The following CRISPLD2 variants were observed in gnomAD, a reference collection of about 807,000 sequenced individuals.
CRISPLD2 encodes the protein cysteine rich secretory protein LCCL domain containing 2, also known as cysteine-rich secretory protein LCCL domain-containing 2.
A neutral mutation model predicts 71.1 loss-of-function variants in CRISPLD2; 47 were observed. The observed-to-expected ratio is 0.66, with a 90% CI of 0.52 to 0.84. The LOEUF (loss-of-function observed/expected upper bound fraction) is 0.84, where lower values mean the gene tolerates loss of function less well. Ranked by LOEUF, CRISPLD2 falls within the 40% of genes least tolerant of loss-of-function variation. The pLI is 0.00. For synonymous variants in CRISPLD2, 317 were observed against 250.1 expected, an observed-to-expected ratio of 1.27 and a Z score of -2.52; for missense variants, 830 against 651.1, an observed-to-expected ratio of 1.27 and a Z score of -2.99.
chr16:84,882,347 CAAAAAAAAAA>C (rs80146835), intron 13 of CRISPLD2, among the ~76,000 whole-genome samples: 1 of 77,492 alleles, frequency 1.3e-5, no homozygotes, highest in African/African-American at 4.5e-5. Context: ...ACCAATAAAG[CAAAAAAAAAA>C]AAAAAAAAAA....
At chr16:84,843,154 G>T (rs142065514) in intron 2 of CRISPLD2, among the ~76,000 whole-genome samples, 2 of 152,280 alleles carry the variant, frequency 1.3e-5, no homozygotes, top group African/African-American at 2.4e-5. Flanking sequence ...GGTCTAAAAG[G>T]CCGGCCTGCT....
intron 1 of CRISPLD2, chr16:84,836,191 C>G (rs1373622847): frequency 1.3e-5 from 2 of 152,178 alleles, no homozygotes; most frequent in African/African-American, 4.8e-5. Context: ...GGTCTTATCC[C>G]CAAGATATCT....
chr16:84,905,020 C>T (rs574558529), intron 14 of CRISPLD2, among the ~76,000 whole-genome samples: 11 of 152,290 alleles, frequency 7.2e-5, no homozygotes, highest in African/African-American at 2.4e-4. Flanking sequence ...GTGGCTCACA[C>T]CCATAATCCC....
intron 13 of CRISPLD2, among the ~76,000 whole-genome samples, chr16:84,886,768 T>C (rs1214648990): frequency 6.6e-6 from 1 of 152,188 alleles, no homozygotes; most frequent in African/African-American, 2.4e-5. Context: ...TGAGCCCAGA[T>C]GGTATCACCG....
intron 3 of CRISPLD2, among the ~76,000 whole-genome samples, chr16:84,846,882 C>T (rs747188146): frequency 3.3e-5 from 5 of 152,230 alleles, no homozygotes; most frequent in African/African-American, 7.2e-5. Context: ...GGGCCTTCCC[C>T]AGAGTAAGCT....
chr16:84,884,994 T>C (rs1462870374), intron 13 of CRISPLD2, among the ~76,000 whole-genome samples: 1 of 152,214 alleles, frequency 6.6e-6, no homozygotes, highest in Non-Finnish European at 1.5e-5. Context: ...ACTGCAGCAG[T>C]TGGCAGTGCG....
At chr16:84,825,149 A>C (rs1464641340) in intron 1 of CRISPLD2, among the ~76,000 whole-genome samples, 4 of 152,042 alleles carry the variant, frequency 2.6e-5, no homozygotes, top group African/African-American at 9.7e-5. Context: ...ACACAGTAGG[A>C]AGGTGGGCAA....
At chr16:84,859,671 A>G (rs1917331406) in intron 6 of CRISPLD2, among the ~76,000 whole-genome samples, 1 of 152,128 alleles carries the variant, frequency 6.6e-6, no homozygotes, top group South Asian at 2.1e-4. Context: ...TGCTTATGTA[A>G]ATTAAGTGGG....
intron 14 of CRISPLD2, among the ~76,000 whole-genome samples, chr16:84,901,043 ACGC>A (rs778462909): frequency 1.3e-4 from 18 of 134,426 alleles, no homozygotes; most frequent in African/African-American, 3.6e-4. Context: ...ACACACACAC[ACGC>A]AAAAAAAAAA....
intron 4 of CRISPLD2, 28 bp downstream of exon 4, chr16:84,849,545 G>C: frequency 6.2e-7 from 1 of 1,608,144 alleles, no homozygotes. Flanking sequence ...CACGACCTCA[G>C]CCCTGCCCCC....
At position 84,880,552 on chromosome 16, in the gene CRISPLD2, G is replaced by A; in HGVS notation, c.1273G>A (p.Ala425Thr). The A allele has an allele frequency of 6.2e-7, 1 of 1,613,830 alleles. No homozygotes were observed. Among genetic ancestry groups the A allele is most frequent in the Non-Finnish European group, 8.5e-7 (1 of 1,179,866 alleles). The change falls in exon 13 of 15, where the codon GCT (alanine) becomes ACT (threonine). Residue 425 changes from alanine to threonine, a missense_variant. Physicochemically the swap from Ala to Thr is moderately conservative, Grantham distance 58. Coordinates refer to ENST00000262424, the MANE Select transcript of CRISPLD2 (RefSeq NM_031476.4). ...CTGCAAAGACGAACCTTCCTACTGG[G>A]CTCCGGTGTTTGGAACCAACATCTA... ...AHCKDEPSYW[A>T]PVFGTNIYAD...
At chr16:84,837,617 T>C (rs573408737) in intron 1 of CRISPLD2, among the ~76,000 whole-genome samples, 33 of 151,822 alleles carry the variant, frequency 2.2e-4, no homozygotes, top group East Asian at 1.2e-3. Flanking sequence ...CAGGGTTTCA[T>C]CGTGTTAGCC....
intron 5 of CRISPLD2, among the ~76,000 whole-genome samples, chr16:84,851,151 T>C (rs1190934943): frequency 6.6e-6 from 1 of 152,226 alleles, no homozygotes; most frequent in Non-Finnish European, 1.5e-5. Context: ...TGGTCTGCCC[T>C]GGCAGTATGA....
chr16:84,905,662 A>C (rs1293309096), intron 14 of CRISPLD2, among the ~76,000 whole-genome samples: 1 of 50,188 alleles, frequency 2.0e-5, no homozygotes, highest in Non-Finnish European at 3.4e-5. Context: ...AAGTGCTGGG[A>C]TTCCAGGTGT....
At chr16:84,868,021 C>G (rs1368256697) in intron 7 of CRISPLD2, among the ~76,000 whole-genome samples, 1 of 152,188 alleles carries the variant, frequency 6.6e-6, no homozygotes, top group Non-Finnish European at 1.5e-5. Flanking sequence ...GGGCTGGATG[C>G]CCTTGGCTCT....
At chr16:84,879,206 T>G (rs916528287) in intron 12 of CRISPLD2, among the ~76,000 whole-genome samples, 1 of 152,154 alleles carries the variant, frequency 6.6e-6, no homozygotes, top group Non-Finnish European at 1.5e-5. Context: ...TTTAGTAGAT[T>G]TTCCCTGAAT....
intron 5 of CRISPLD2, among the ~76,000 whole-genome samples, chr16:84,852,530 C>G (rs1431091092): frequency 6.6e-6 from 1 of 152,192 alleles, no homozygotes; most frequent in African/African-American, 2.4e-5. Context: ...CGGTTCTTTC[C>G]TTTTGTCTGC....
chr16:84,901,382 G>T (rs2071752305), intron 14 of CRISPLD2, among the ~76,000 whole-genome samples: 1 of 151,972 alleles, frequency 6.6e-6, no homozygotes, highest in South Asian at 2.1e-4. Context: ...TTGCCTTAAG[G>T]ATTGTGTGTT....
chr16:84,840,971 C>G (rs1257999548), intron 2 of CRISPLD2, among the ~76,000 whole-genome samples: 2 of 152,198 alleles, frequency 1.3e-5, no homozygotes, highest in African/African-American at 4.8e-5. Flanking sequence ...CCGTGAGATT[C>G]TTGCTATAAA....
Sources: gnomAD v4.1 joint callset for allele counts (sites outside exome capture counted in the v4.1 genomes callset) on GRCh38, gnomAD v4.1.1 for gene constraint, MANE v1.5 for transcripts, NCBI Gene and HGNC (gene_info 2026-07-23, HGNC 2026-07-21) for gene names.